The following CCDC3 variants were observed in gnomAD, a reference collection of about 807,000 sequenced individuals.
CCDC3 encodes coiled-coil domain-containing protein 3.
In CCDC3, 24 loss-of-function variants were observed where a neutral mutation model predicts 21.4. The ratio of observed to expected loss-of-function variants is 1.12; its 90% confidence interval spans 0.81 to 1.58. The LOEUF is 1.58. Among genes scored for constraint, CCDC3 ranks in the 40% most tolerant of loss-of-function variants. The pLI, the probability that CCDC3 is intolerant of heterozygous loss-of-function variation, is 0.00. For synonymous variants in CCDC3, 186 were observed against 166.0 expected (o/e 1.12, Z -0.93); for missense variants, 425 against 360.9 (o/e 1.18, Z -1.44).
chr10:13,056,903 C>G (rs2131429284), intron 4 of CCDC3, among the ~76,000 whole-genome samples: 1 of 152,294 alleles, frequency 6.6e-6, no homozygotes, highest in Non-Finnish European at 1.5e-5. Context: ...TTAATTAAGG[C>G]AGCTGAGTAT....
In CCDC3 at chr10:13,001,336, C is replaced by T. The variant is rs577400101; in HGVS notation, c.235G>A (p.Val79Ile). 10 of 1,604,726 alleles carry T rather than the reference C, an allele frequency of 6.2e-6. No homozygotes were observed. In the South Asian group the frequency reaches 1.1e-4, roughly 18 times the overall value. The change falls in exon 1 of 3, where the codon GTC becomes ATC. Residue 79 changes from valine (V) to isoleucine (I), a missense_variant. Physicochemically the swap from Val to Ile is conservative, Grantham distance 29. Transcript: ENST00000378825. ...CACGCCTGGTCGCACAGCATCTCGA[C>T]CTCGGCCGAGTAGAAGAGGCCCCCC... ...GQGGLFYSAE[V>I]EMLCDQAWGS...
chr10:12,941,143 C>G (rs7084688), intron 2 of CCDC3, among the ~76,000 whole-genome samples: 62,465 of 151,772 alleles, frequency 0.41, 13,524 homozygotes, highest in South Asian at 0.59. Context: ...TTGCAGTAAA[C>G]AAGCGGCTAA....
At chr10:13,093,225 A>G (rs778524769) in intron 3 of CCDC3, among the ~76,000 whole-genome samples, 11 of 152,198 alleles carry the variant, frequency 7.2e-5, no homozygotes, top group East Asian at 5.8e-4. Flanking sequence ...TCACAATCAT[A>G]GCGGAAGGCG....
intron 5 of CCDC3, among the ~76,000 whole-genome samples, chr10:13,045,417 G>A (rs1367398587): frequency 6.6e-6 from 1 of 152,018 alleles, no homozygotes; most frequent in African/African-American, 2.4e-5. Context: ...AAGGCAGGCG[G>A]ATCACAAGGG....
chr10:13,084,287 C>CCTT (rs1554766546), intron 3 of CCDC3, among the ~76,000 whole-genome samples: 5 of 102,226 alleles, frequency 4.9e-5, no homozygotes, highest in Non-Finnish European at 4.6e-5. Flanking sequence ...CTTTTCTTTT[C>CCTT]TTTTTTTTTT....
At chr10:12,955,337 A>G (rs1835066578) in intron 2 of CCDC3, among the ~76,000 whole-genome samples, 1 of 151,772 alleles carries the variant, frequency 6.6e-6, no homozygotes, top group Admixed American at 6.6e-5. Context: ...TCTACTACTC[A>G]CTCTCCAATT....
intron 2 of CCDC3, among the ~76,000 whole-genome samples, chr10:12,989,714 A>G (rs1835652258): frequency 6.6e-6 from 1 of 152,108 alleles, no homozygotes; most frequent in South Asian, 2.1e-4. Context: ...GAGCCACTGC[A>G]CCTGGCCCCA....
intron 3 of CCDC3, among the ~76,000 whole-genome samples, chr10:13,075,693 T>C (rs7098634): frequency 0.75 from 113,411 of 152,044 alleles, 42,624 homozygotes; most frequent in Middle Eastern, 0.83. Context: ...ATGCTCAATA[T>C]ACTTTTCAAA....
chr10:12,901,400 G>A (rs1834089575), intron 2 of CCDC3, among the ~76,000 whole-genome samples: 1 of 152,136 alleles, frequency 6.6e-6, no homozygotes, highest in Admixed American at 6.5e-5. Flanking sequence ...CTCCTGAGTA[G>A]TAGCTGGGAC....
chr10:12,965,187 CCTGCTTTCCCCAAAAA>C (rs935224405), intron 2 of CCDC3, among the ~76,000 whole-genome samples: 1 of 152,168 alleles, frequency 6.6e-6, no homozygotes, highest in African/African-American at 2.4e-5. Flanking sequence ...ATCCCCCCTC[CCTGCTTTCCCCAAAAA>C]GAGGGTATAT....
At chr10:12,936,008 C>G (rs1564290100) in intron 2 of CCDC3, among the ~76,000 whole-genome samples, 1 of 152,000 alleles carries the variant, frequency 6.6e-6, no homozygotes, top group Non-Finnish European at 1.5e-5. Flanking sequence ...ACAAACTTAT[C>G]TGTCAGATCA....
At chr10:13,092,187 T>C (rs1266296885) in intron 3 of CCDC3, among the ~76,000 whole-genome samples, 3 of 152,140 alleles carry the variant, frequency 2.0e-5, no homozygotes, top group Non-Finnish European at 4.4e-5. Flanking sequence ...AATTAAACAA[T>C]TCGTGAGTAT....
At chr10:13,046,299 G>A (rs1186731655) in intron 5 of CCDC3, among the ~76,000 whole-genome samples, 2 of 152,014 alleles carry the variant, frequency 1.3e-5, no homozygotes, top group Non-Finnish European at 1.5e-5. Context: ...CCAGTTGCTA[G>A]GGAGGCTGAG....
At chr10:12,899,755 C>T (rs915482845) in intron 2 of CCDC3, among the ~76,000 whole-genome samples, 1 of 151,924 alleles carries the variant, frequency 6.6e-6, no homozygotes, top group African/African-American at 2.4e-5. Flanking sequence ...TTTAAATATG[C>T]ATACACTATC....
intron 2 of CCDC3, among the ~76,000 whole-genome samples, chr10:12,906,336 C>T (rs886519087): frequency 9.8e-5 from 15 of 152,288 alleles, no homozygotes; most frequent in South Asian, 2.1e-4. Flanking sequence ...ACAAAGGGAA[C>T]GCTCATGCCC....
chr10:13,077,116 G>A (rs180970828), intron 3 of CCDC3, among the ~76,000 whole-genome samples: 124 of 152,248 alleles, frequency 8.1e-4, no homozygotes, highest in Middle Eastern at 3.4e-3. Flanking sequence ...AAACCCCATC[G>A]TCTCAGCCCA....
rs536107360 is a variant in CCDC3 at position 13,013,423 on chromosome 10, T to C, written c.-1-14911A>G. 3.4e-4 allele frequency among the ~76,000 whole-genome samples: 52 copies of C among 152,318 alleles called. 1 individual carries two copies. The highest frequency in any genetic ancestry group is 1.3e-3 in the African/African-American group (52 of 41,576). On this transcript the variant is annotated intron_variant, in intron 5 of 6. Transcript: ENST00000378839. ...GCTCCCAGTGATGTGTTTAAATTAA[T>C]AATGAATTATAACCCATAGAATAAA...
intron 2 of CCDC3, among the ~76,000 whole-genome samples, chr10:12,996,588 G>A (rs1835765219): frequency 6.6e-6 from 1 of 152,096 alleles, no homozygotes; most frequent in Non-Finnish European, 1.5e-5. Flanking sequence ...CCCCCACCTC[G>A]GCCTCCCAAA....
At chr10:13,069,115 C>T (rs572509525) in intron 4 of CCDC3, among the ~76,000 whole-genome samples, 114 of 152,146 alleles carry the variant, frequency 7.5e-4, no homozygotes, top group Non-Finnish European at 1.1e-3. Flanking sequence ...ATTAGCTGGG[C>T]GTGGTGGCAC....
Sources: gnomAD v4.1 joint callset for allele counts (sites outside exome capture counted in the v4.1 genomes callset) on GRCh38, gnomAD v4.1.1 for gene constraint, MANE v1.5 for transcripts, NCBI Gene and HGNC (gene_info 2026-07-23, HGNC 2026-07-21) for gene names.